Variants in SLC6A2 observed in about 807,000 individuals in gnomAD.
SLC6A2 encodes the protein solute carrier family 6 member 2.
A neutral mutation model predicts 71.7 loss-of-function variants in SLC6A2; 26 were observed. That is an observed-to-expected ratio of 0.36 (90% CI 0.27 to 0.50). SLC6A2 has a LOEUF of 0.50. Ranked by LOEUF, SLC6A2 falls within the 20% of genes least tolerant of loss-of-function variation. SLC6A2 has a pLI of 0.96. For missense variants in SLC6A2, 581 were observed against 803.9 expected, an observed-to-expected ratio of 0.72 and a Z score of 3.35; for synonymous variants, 363 against 337.9, an observed-to-expected ratio of 1.07 and a Z score of -0.82.
intron 5 of SLC6A2, among the ~76,000 whole-genome samples, chr16:55,689,820 G>A (rs1410546547): frequency 2.0e-5 from 3 of 152,136 alleles, no homozygotes; most frequent in Non-Finnish European, 4.4e-5. Flanking sequence ...AAAACAAGTG[G>A]AAATCCCATT....
intron 4 of SLC6A2, among the ~76,000 whole-genome samples, chr16:55,675,675 A>G (rs1405080321): frequency 2.6e-5 from 4 of 152,216 alleles, no homozygotes; most frequent in Non-Finnish European, 1.5e-5. Context: ...AAATGTGGCT[A>G]GTGTGACTGA....
chr16:55,692,708 C>T (rs1402350364), intron 6 of SLC6A2, among the ~76,000 whole-genome samples: 2 of 152,172 alleles, frequency 1.3e-5, no homozygotes, highest in Non-Finnish European at 2.9e-5. Context: ...TCAGTGAGAA[C>T]ACCTCAACAT....
chr16:55,666,988 C>T (rs1423328890), intron 2 of SLC6A2, among the ~76,000 whole-genome samples: 2 of 147,376 alleles, frequency 1.4e-5, no homozygotes, highest in Non-Finnish European at 3.0e-5. Context: ...GTTTTGTTTT[C>T]TTCTCTCTTT....
intron 2 of SLC6A2, among the ~76,000 whole-genome samples, chr16:55,660,388 C>A (rs1964578603): frequency 6.6e-6 from 1 of 152,178 alleles, no homozygotes; most frequent in Non-Finnish European, 1.5e-5. Context: ...CAGTGCAGCC[C>A]TCCATCTCAG....
chr16:55,656,271 A>T lies in SLC6A2; in HGVS notation c.-52+102A>T, dbSNP rs1964444064. The T allele has an allele frequency of 3.2e-6, 1 of 308,428 alleles. No homozygotes were observed. The highest frequency in any genetic ancestry group is 6.2e-6 in the Non-Finnish European group (1 of 160,316). The allele number at this position is 308,428 out of a possible 1,614,324, so 19.1% of individuals were successfully genotyped here. On this transcript the variant is annotated intron_variant, in intron 1 of 14. Coordinates refer to ENST00000568943, the MANE Select transcript of SLC6A2 (RefSeq NM_001172501.3). This position sits in a 1 kb window ranked among gnomAD's most constrained non-coding sequence, Gnocchi z 4.5. ...GCGAGTTTGTAGTGCAGTGACGTTA[A>T]GTGTCCGAGAAGGCTCCTGTGGCTG... is the stretch of plus-strand genomic sequence containing the variant.
chr16:55,663,863 A>G (rs1251522735), intron 2 of SLC6A2, among the ~76,000 whole-genome samples: 1 of 151,962 alleles, frequency 6.6e-6, no homozygotes, highest in Admixed American at 6.6e-5. Flanking sequence ...AAATTCTCTG[A>G]CCCACTTTCT....
At position 55,702,805 on chromosome 16, in the gene SLC6A2, T is replaced by TA; in HGVS notation, c.*459_*460insA. ...TCAAACAAAATCTGGCTGAGTTTAG[T>TA]GGGGTGGTTGGGGAAGGTACATAGA... On this transcript the variant is annotated 3_prime_UTR_variant, in exon 15 of 15. Transcript: ENST00000568943. 1 of 1,051,396 alleles carries TA rather than the reference T, an allele frequency of 9.5e-7. No individual in the cohort carries two copies. 65.1% of individuals were successfully genotyped at this position (1,051,396 alleles called of 1,614,324 possible).
rs1964666744 is a variant in SLC6A2 at position 55,663,612 on chromosome 16, A to G, written c.275-5953A>G. 2.6e-5 allele frequency among the ~76,000 whole-genome samples: 4 copies of G among 152,314 alleles called. 1 individual carries two copies. The South Asian group carries it at 8.3e-4, about 32-fold the overall frequency. ...GGGTCCCTCCAGCTGAGGTCTTACC[A>G]TAGCTCTGTGTACTACTATGAAACC... On this transcript the variant is annotated intron_variant, in intron 2 of 14. Coordinates refer to ENST00000568943, the MANE Select transcript of SLC6A2 (RefSeq NM_001172501.3).
chr16:55,673,705 G>A (rs1327904639), intron 4 of SLC6A2, among the ~76,000 whole-genome samples: 4 of 152,140 alleles, frequency 2.6e-5, no homozygotes, highest in African/African-American at 9.7e-5. Context: ...GGGATTACAA[G>A]TGTGCACCAC....
intron 4 of SLC6A2, among the ~76,000 whole-genome samples, chr16:55,675,814 A>T (rs1294604020): frequency 6.6e-6 from 1 of 152,166 alleles, no homozygotes. Context: ...ACAAAACTTT[A>T]GGGCTCCTCT....
intron 4 of SLC6A2, among the ~76,000 whole-genome samples, chr16:55,674,581 C>A (rs7200297): frequency 0.38 from 56,927 of 151,722 alleles, 11,129 homozygotes; most frequent in South Asian, 0.46. Context: ...CCCACCACAA[C>A]GCCTGGCTAA....
intron 2 of SLC6A2, among the ~76,000 whole-genome samples, chr16:55,658,630 T>C (rs1179259016): frequency 6.6e-6 from 1 of 152,190 alleles, no homozygotes; most frequent in African/African-American, 2.4e-5. Flanking sequence ...AGGTTGGAGC[T>C]GACAGATGGA....
In SLC6A2 at chr16:55,692,049, C is replaced by T; in HGVS notation, c.915C>T (p.Ala305=). Reference sequence around the variant, plus strand: ...TCGACTTCTACCGCTTGAAAGAGGCCACGGTCAGTGCTCAGTGACCACCAA... The same window carrying T: ...TCGACTTCTACCGCTTGAAAGAGGCTACGGTCAGTGCTCAGTGACCACCAA... ...LHIDFYRLKE[A]TVWIDAATQI... The change falls in exon 6 of 15, where the codon GCC becomes GCT. Residue 305 remains alanine, a synonymous_variant. Transcript: ENST00000568943. 6.2e-6 allele frequency: 10 copies of T among 1,614,172 alleles called. No homozygotes were observed. Among genetic ancestry groups the T allele is most frequent in the Non-Finnish European group, 6.8e-6 (8 of 1,180,030 alleles).
At chr16:55,661,941 T>C (rs1964621280) in intron 2 of SLC6A2, among the ~76,000 whole-genome samples, 1 of 152,220 alleles carries the variant, frequency 6.6e-6, no homozygotes, top group African/African-American at 2.4e-5. Context: ...GTCAGGAGTC[T>C]GCAAACTCAG....
At chr16:55,681,792 C>A (rs370207608) in intron 4 of SLC6A2, among the ~76,000 whole-genome samples, 1 of 152,236 alleles carries the variant, frequency 6.6e-6, no homozygotes, top group Non-Finnish European at 1.5e-5. Context: ...TTGATCTTAT[C>A]CCCTGCAGGT....
intron 5 of SLC6A2, among the ~76,000 whole-genome samples, chr16:55,688,255 A>G (rs1294949514): frequency 6.6e-6 from 1 of 152,230 alleles, no homozygotes; most frequent in African/African-American, 2.4e-5. Flanking sequence ...GCTGGCCTCA[A>G]ATGAATTGCA....
Position 55,702,747 on chromosome 16 carries a change from C to CCCAAAAA in SLC6A2, c.*401_*402insCCAAAAA, listed in dbSNP as rs201774381. 3.3e-6 allele frequency: 3 copies of CCCAAAAA among 920,676 alleles called. No individual in the cohort carries two copies. Among genetic ancestry groups the CCCAAAAA allele is most frequent in the African/African-American group, 4.5e-5 (2 of 44,558 alleles). 57.0% of individuals were successfully genotyped at this position (920,676 alleles called of 1,614,324 possible). On this transcript the variant is annotated 3_prime_UTR_variant, in exon 15 of 15. Coordinates refer to ENST00000568943, the MANE Select transcript of SLC6A2 (RefSeq NM_001172501.3). ...TGGGCTTTTGATCAGATACCCCTCC[C>CCCAAAAA]AAAAAAAAAAAAAACTAAAACTAAA...
At chr16:55,686,159 A>T (rs4424907) in intron 5 of SLC6A2, among the ~76,000 whole-genome samples, 1 of 152,204 alleles carries the variant, frequency 6.6e-6, no homozygotes. Context: ...GATTGGGATC[A>T]GCTGGGTGGT....
At chr16:55,694,201 A>G in intron 7 of SLC6A2, 88 bp downstream of exon 7, 1 of 996,256 alleles carries the variant, frequency 1.0e-6, no homozygotes, top group Non-Finnish European at 1.6e-6. Flanking sequence ...TCTGGAAGCC[A>G]ACTCTCCCTG....
Sources: gnomAD v4.1 joint callset for allele counts (sites outside exome capture counted in the v4.1 genomes callset) on GRCh38, gnomAD v4.1.1 for gene constraint, Gnocchi (gnomAD v3.1) non-coding constraint, MANE v1.5 for transcripts, NCBI Gene and HGNC (gene_info 2026-07-23, HGNC 2026-07-21) for gene names.